The following PHF2 variants were observed in gnomAD, a reference collection of about 807,000 sequenced individuals.
PHF2 encodes lysine-specific demethylase PHF2.
Under a neutral mutation model 120.5 loss-of-function variants are expected in PHF2, and 27 were observed. The ratio of observed to expected loss-of-function variants is 0.22; its 90% CI spans 0.17 to 0.31. The LOEUF (loss-of-function observed/expected upper bound fraction) is 0.31. PHF2 is among the 10% of genes least tolerant of loss of function. The pLI is 1.00. For missense variants in PHF2, 1,024 were observed against 1,434.8 expected, an observed-to-expected ratio of 0.71 and a Z score of 4.63; for synonymous variants, 568 against 592.5, an observed-to-expected ratio of 0.96 and a Z score of 0.60.
intron 9 of PHF2, among the ~76,000 whole-genome samples, chr9:93,657,793 C>T (rs1826487029): frequency 6.6e-6 from 1 of 152,126 alleles, no homozygotes; most frequent in South Asian, 2.1e-4. Flanking sequence ...TGGTGTGGGC[C>T]CATGGACAGC....
Position 93,607,000 on chromosome 9 carries a change from T to C in PHF2, c.99-22970T>C, listed in dbSNP as rs530864283. Among the ~76,000 whole-genome samples, 9 of 152,370 alleles carry C rather than the reference T, an allele frequency of 5.9e-5. 1 individual carries two copies. The highest frequency in any genetic ancestry group is 2.2e-4 in the African/African-American group (9 of 41,592). On this transcript the variant is annotated intron_variant, in intron 1 of 21. Transcript: ENST00000359246. ...CTTTTGTTCCTTTTTCTAAGATTGG[T>C]TGACTGTATTTGTGTGGGCCTGTTT...
At position 93,645,480 on chromosome 9, in the gene PHF2, TGGCACCAC is replaced by T. The variant is rs1826240463; in HGVS notation, c.300-145_300-138del. 3 of 740,218 alleles carry T rather than the reference TGGCACCAC, an allele frequency of 4.1e-6. No individual in the cohort carries two copies. In the East Asian group the frequency reaches 8.4e-5, roughly 21 times the overall value. The allele number at this position is 740,218 out of a possible 1,614,324, so 45.9% of individuals were successfully genotyped here. ...CCTGGCTGCTCTATCGTCCCATTTG[TGGCACCAC>T]GGCCAGGCCTCCTCCTGTGGCTGTG... On this transcript the variant is annotated intron_variant, in intron 3 of 21. Coordinates refer to ENST00000359246, the MANE Select transcript of PHF2 (RefSeq NM_005392.4).
chr9:93,652,534 G>A (rs934046704), intron 5 of PHF2, among the ~76,000 whole-genome samples: 1 of 151,858 alleles, frequency 6.6e-6, no homozygotes, highest in African/African-American at 2.4e-5. Flanking sequence ...TTCGTGGTCC[G>A]CCCACCTCGG....
At chr9:93,584,427 G>A (rs992680538) in intron 1 of PHF2, among the ~76,000 whole-genome samples, 1 of 152,190 alleles carries the variant, frequency 6.6e-6, no homozygotes, top group Non-Finnish European at 1.5e-5. Context: ...TTGTAATGAT[G>A]GAAGGTAGGA....
At chr9:93,676,152 C>A (rs771797532) in intron 20 of PHF2, among the ~76,000 whole-genome samples, 2 of 152,184 alleles carry the variant, frequency 1.3e-5, no homozygotes, top group Non-Finnish European at 2.9e-5. Flanking sequence ...TGTTCTGTCT[C>A]TACATGCTCC....
chr9:93,604,579 C>T (rs1825505372), intron 1 of PHF2, among the ~76,000 whole-genome samples: 1 of 151,906 alleles, frequency 6.6e-6, no homozygotes, highest in Admixed American at 6.5e-5. Flanking sequence ...ATTCTCCTGC[C>T]TCAGCCTCCC....
At chr9:93,619,555 C>T (rs1564383703) in intron 1 of PHF2, among the ~76,000 whole-genome samples, 2 of 152,196 alleles carry the variant, frequency 1.3e-5, no homozygotes, top group East Asian at 1.9e-4. Context: ...TGCTCCACGC[C>T]TGCTGGTAGC....
chr9:93,633,938 CACT>C (rs1826050127), intron 2 of PHF2, among the ~76,000 whole-genome samples: 1 of 152,118 alleles, frequency 6.6e-6, no homozygotes, highest in Non-Finnish European at 1.5e-5. Context: ...GCTGCAATGT[CACT>C]GCTGCTGCAT....
chr9:93,631,923 C>T (rs575564088), intron 2 of PHF2, among the ~76,000 whole-genome samples: 3 of 152,202 alleles, frequency 2.0e-5, no homozygotes, highest in Middle Eastern at 3.4e-3. Context: ...GGGCCAGGGG[C>T]CTCTTCTGAT....
intron 1 of PHF2, among the ~76,000 whole-genome samples, chr9:93,592,750 T>G: frequency 6.6e-6 from 1 of 152,178 alleles, no homozygotes; most frequent in Non-Finnish European, 1.5e-5. Flanking sequence ...TTTATAGATG[T>G]GAACACTGAT....
At chr9:93,655,807 A>G in intron 7 of PHF2, 127 bp from the exon 8 acceptor site, 1 of 652,290 alleles carries the variant, frequency 1.5e-6, no homozygotes, top group Non-Finnish European at 2.7e-6. Context: ...GTAGGCGGGC[A>G]GGAGCTGGAG....
At chr9:93,607,727 T>C (rs1274828886) in intron 1 of PHF2, among the ~76,000 whole-genome samples, 1 of 152,220 alleles carries the variant, frequency 6.6e-6, no homozygotes, top group African/African-American at 2.4e-5. Flanking sequence ...GTTATATTTA[T>C]ATCTAATTAT....
chr9:93,611,755 TCTTCCAGCCTCAG>T (rs1825639570), intron 1 of PHF2, among the ~76,000 whole-genome samples: 1 of 152,098 alleles, frequency 6.6e-6, no homozygotes, highest in South Asian at 2.1e-4. Context: ...ACTCAAGCCA[TCTTCCAGCCTCAG>T]CTTCCTGAAG....
At chr9:93,670,933 T>G in intron 17 of PHF2, 6 of 894,462 alleles carry the variant, frequency 6.7e-6, no homozygotes, top group South Asian at 5.2e-5. Flanking sequence ...TGGGAGTCTG[T>G]GTGGAGCCTG....
At position 93,630,039 on chromosome 9, in the gene PHF2, C is replaced by A. The variant is rs267602322; in HGVS notation, c.168C>A (p.Thr56=). 2.5e-6 allele frequency: 4 copies of A among 1,613,192 alleles called. No individual in the cohort carries two copies. The highest frequency in any genetic ancestry group is 3.4e-6 in the Non-Finnish European group (4 of 1,180,012). The part of the protein sequence containing the change: ...DIYHCPNCEK[T]HGKSTLKKKR... ...ACCACTGCCCAAACTGTGAGAAAAC[C>A]CATGGGAAGTCCACCTGTAAGTACC... The change falls in exon 2 of 22, where the codon ACC becomes ACA. Residue 56 remains threonine, a synonymous_variant. Transcript: ENST00000359246.
chr9:93,595,444 C>T (rs550132849), intron 1 of PHF2, among the ~76,000 whole-genome samples: 5 of 152,254 alleles, frequency 3.3e-5, no homozygotes, highest in South Asian at 2.1e-4. Flanking sequence ...TTAGGAATGA[C>T]GGTAAGGAAT....
At chr9:93,580,035 T>C (rs1862904408) in intron 1 of PHF2, among the ~76,000 whole-genome samples, 1 of 152,234 alleles carries the variant, frequency 6.6e-6, no homozygotes, top group South Asian at 2.1e-4. Context: ...GCATCCTGCA[T>C]TCACTGGAGG....
At chr9:93,671,305 G>T (rs981361170) in intron 17 of PHF2, 2 of 685,506 alleles carry the variant, frequency 2.9e-6, no homozygotes, top group Non-Finnish European at 3.6e-6. Flanking sequence ...TGTGGGTGTG[G>T]GAGTAGGGTC....
chr9:93,630,549 C>T (rs919452028), intron 2 of PHF2, among the ~76,000 whole-genome samples: 1 of 152,176 alleles, frequency 6.6e-6, no homozygotes, highest in African/African-American at 2.4e-5. Context: ...TGCAGAGAAT[C>T]TTGGAGGGCC....
Sources: allele counts gnomAD v4.1 joint callset (sites outside exome capture counted in the v4.1 genomes callset), GRCh38; gene constraint gnomAD v4.1.1; transcripts MANE v1.5; gene names NCBI Gene and HGNC (gene_info 2026-07-23, HGNC 2026-07-21).